Variants in USP24 observed in about 807,000 individuals in gnomAD.
USP24 encodes the protein ubiquitin carboxyl-terminal hydrolase 24.
Under a neutral mutation model 361.6 loss-of-function variants are expected in USP24, and 97 were observed. That is an observed-to-expected ratio of 0.27 (90% CI 0.23 to 0.32). The LOEUF is 0.32. Ranked by LOEUF, USP24 falls within the 10% of genes least tolerant of loss-of-function variation. The pLI, the probability that USP24 is intolerant of heterozygous loss-of-function variation, is 1.00. For synonymous variants in USP24, 1,098 were observed against 1,124.6 expected, an observed-to-expected ratio of 0.98 and a Z score of 0.47; for missense variants, 2,353 against 3,165.6, an observed-to-expected ratio of 0.74 and a Z score of 6.16.
intron 60 of USP24, 115 bp from the exon 61 acceptor site, chr1:55,078,766 A>G: frequency 1.4e-6 from 1 of 718,414 alleles, no homozygotes; most frequent in Non-Finnish European, 2.2e-6. Context: ...ACACTGCCTG[A>G]AAACAGGGTT....
intron 48 of USP24, among the ~76,000 whole-genome samples, 180 bp downstream of exon 48, chr1:55,097,418 C>T (rs1207298309): frequency 1.3e-5 from 2 of 152,098 alleles, no homozygotes; most frequent in African/African-American, 2.4e-5. Flanking sequence ...GAAATGAGGG[C>T]CACTGTTTCC....
chr1:55,209,508 G>A (rs534578163), intron 1 of USP24, among the ~76,000 whole-genome samples: 2 of 152,198 alleles, frequency 1.3e-5, no homozygotes, highest in Non-Finnish European at 2.9e-5. Context: ...AGCTGCTACT[G>A]TCACTTCTCA....
Position 55,089,615 on chromosome 1 carries a change from T to G in USP24, c.6668+12A>C. The G allele has an allele frequency of 6.5e-7, 1 of 1,547,476 alleles. No individual in the cohort carries two copies. The highest frequency in any genetic ancestry group is 8.8e-7 in the Non-Finnish European group (1 of 1,141,448). ...CACAAATTTCTTTTAATTAAAAGAC[T>G]CCAACACTTACTTTATCAATTCTCG... On this transcript the variant is annotated intron_variant, in intron 55 of 67. Transcript: ENST00000294383.
At chr1:55,206,656 G>GAAAA (rs1644712596) in intron 1 of USP24, among the ~76,000 whole-genome samples, 1 of 19,170 alleles carries the variant, frequency 5.2e-5, no homozygotes, top group African/African-American at 1.7e-4. Flanking sequence ...GAGAAAAACA[G>GAAAA]TAAAAAAAAA....
intron 38 of USP24, among the ~76,000 whole-genome samples, chr1:55,120,389 G>A (rs1646245689): frequency 6.6e-6 from 1 of 152,138 alleles, no homozygotes; most frequent in Admixed American, 6.5e-5. Context: ...ATGGGGTGAA[G>A]TGAGAACTGA....
At chr1:55,087,312 T>G (rs1223062046) in intron 55 of USP24, among the ~76,000 whole-genome samples, 1 of 152,174 alleles carries the variant, frequency 6.6e-6, no homozygotes, top group Non-Finnish European at 1.5e-5. Flanking sequence ...TAGAAGTAAT[T>G]CACTGGGATT....
At chr1:55,173,563 T>A (rs1570608320) in intron 3 of USP24, among the ~76,000 whole-genome samples, 1 of 152,194 alleles carries the variant, frequency 6.6e-6, no homozygotes, top group Non-Finnish European at 1.5e-5. Context: ...GAAAATACTA[T>A]GCAACAAATA....
Position 55,197,410 on chromosome 1 carries a change from A to G in USP24, c.324+17380T>C, listed in dbSNP as rs116756149. On this transcript the variant is annotated intron_variant, in intron 1 of 67. Transcript: ENST00000294383. ...TGTTTTGTTTGTTCCATTATCTGTA[A>G]CAGTCCCTAAGACAGAGTGGGTGCT... is the stretch of plus-strand genomic sequence containing the variant. Among the ~76,000 whole-genome samples the G allele has an allele frequency of 1.4e-3, 209 of 152,332 alleles. 1 individual carries two copies. Among genetic ancestry groups the G allele is most frequent in the African/African-American group, 4.5e-3 (186 of 41,574 alleles).
At position 55,154,797 on chromosome 1, in the gene USP24, G is replaced by T; in HGVS notation, c.1447-19C>A. ...GTCCTGACTGGAAAAGGAAACATTG[G>T]AAAAAAATTAAGTCTTGGAACTCGG... On this transcript the variant is annotated intron_variant, in intron 12 of 67. Transcript: ENST00000294383. 6.3e-7 allele frequency: 1 copy of T among 1,592,768 alleles called. No homozygotes were observed. The highest frequency in any genetic ancestry group is 2.2e-5 in the East Asian group (1 of 44,634).
intron 1 of USP24, among the ~76,000 whole-genome samples, chr1:55,184,338 C>A (rs543787844): frequency 6.6e-6 from 1 of 152,076 alleles, no homozygotes; most frequent in South Asian, 2.1e-4. Context: ...ATTATAGGCA[C>A]GAGCCACCAC....
At chr1:55,172,289 A>G (rs1040031337) in intron 4 of USP24, 88 bp downstream of exon 4, 77 of 1,199,152 alleles carry the variant, frequency 6.4e-5, no homozygotes, top group Non-Finnish European at 4.1e-5. Context: ...TAAAATTATT[A>G]TCACTCATTA....
chr1:55,116,743 ATGGCTTCAC>A (rs1646127718), intron 38 of USP24, among the ~76,000 whole-genome samples: 1 of 152,078 alleles, frequency 6.6e-6, no homozygotes, highest in Non-Finnish European at 1.5e-5. Context: ...CCTGGACCAG[ATGGCTTCAC>A]TGGTGAATTC....
At chr1:55,182,606 T>C (rs964344543) in intron 1 of USP24, among the ~76,000 whole-genome samples, 8 of 152,236 alleles carry the variant, frequency 5.3e-5, no homozygotes, top group Admixed American at 5.2e-4. Flanking sequence ...GATCTTATTA[T>C]GTGCCTCCTG....
intron 54 of USP24, among the ~76,000 whole-genome samples, chr1:55,090,673 T>C (rs1645353911): frequency 6.6e-6 from 1 of 152,190 alleles, no homozygotes; most frequent in Non-Finnish European, 1.5e-5. Context: ...CCCCTTACTC[T>C]AGGTATATTC....
chr1:55,215,066 GC>G lies in USP24; in HGVS notation c.47del (p.Gly16AlafsTer121). ...EQHMTTLLCMGFSDPATIRKA... is the reference protein window; with the variant it reads ...EQHMTTLLCMXFSDPATIRKA... ...TGCGGATGGTGGCGGGGTCTGAGAA[GC>G]CCATGCACAGCAGCGTGGTCATGTG... is the stretch of plus-strand genomic sequence containing the variant. On this transcript the variant is annotated frameshift_variant, in exon 1 of 68. Coordinates refer to ENST00000294383, the MANE Select transcript of USP24 (RefSeq NM_015306.3). LOFTEE classifies it high-confidence loss of function. The G allele has an allele frequency of 1.4e-6, 2 of 1,438,650 alleles. No homozygotes were observed. Among genetic ancestry groups the G allele is most frequent in the Non-Finnish European group, 9.2e-7 (1 of 1,091,052 alleles). 89.1% of individuals were successfully genotyped at this position (1,438,650 alleles called of 1,614,324 possible). A position where few individuals can be genotyped will look rare whatever the true frequency, so the allele number is the denominator to read the frequency against.
intron 28 of USP24, among the ~76,000 whole-genome samples, chr1:55,135,425 C>G (rs528898628): frequency 6.6e-6 from 1 of 152,200 alleles, no homozygotes; most frequent in Non-Finnish European, 1.5e-5. Flanking sequence ...AAATTCCATG[C>G]CTGACCTCAT....
chr1:55,089,860 G>A (rs545904794), intron 54 of USP24, 120 bp from the exon 55 acceptor site: 25 of 648,006 alleles, frequency 3.9e-5, no homozygotes, highest in African/African-American at 2.4e-4. Flanking sequence ...TATGTCTCTC[G>A]TGGGTAGAGT....
chr1:55,183,201 T>C (rs1205219655), intron 1 of USP24, among the ~76,000 whole-genome samples: 1 of 152,238 alleles, frequency 6.6e-6, no homozygotes, highest in African/African-American at 2.4e-5. Context: ...ACTGGATCAA[T>C]GTTAATTTCC....
chr1:55,079,883 TACTCGCACACACAGAGA>T (rs1645113378), intron 59 of USP24, among the ~76,000 whole-genome samples: 2 of 151,164 alleles, frequency 1.3e-5, no homozygotes, highest in Non-Finnish European at 3.0e-5. Flanking sequence ...TCACACACAG[TACTCGCACACACAGAGA>T]ACTCGCACAC....
Sources: gnomAD v4.1 joint callset for allele counts (sites outside exome capture counted in the v4.1 genomes callset) on GRCh38, gnomAD v4.1.1 for gene constraint, MANE v1.5 for transcripts, NCBI Gene and HGNC (gene_info 2026-07-23, HGNC 2026-07-21) for gene names.